The following AIRIM variants were observed in gnomAD, a reference collection of about 807,000 sequenced individuals.
AIRIM encodes the protein AFG2 interacting ribosome maturation factor.
the AIRIM span, chr1:37,686,189 C>T: frequency 7.6e-7 from 1 of 1,321,424 alleles, no homozygotes; most frequent in Non-Finnish European, 1.0e-6. Flanking sequence ...ACTCAAACTA[C>T]TTAGTTTTCC....
the AIRIM span, chr1:37,684,175 A>G: frequency 0.28 from 43,318 of 152,434 alleles, 6,700 homozygotes; most frequent in African/African-American, 0.39. Flanking sequence ...GGATGGGGAC[A>G]GAGAGGGAAA....
At chr1:37,683,401 C>G in the AIRIM span, 2 of 1,613,948 alleles carry the variant, frequency 1.2e-6, no homozygotes, top group Admixed American at 1.7e-5. Flanking sequence ...AGTCTCCCCA[C>G]TGGATAGACG....
the AIRIM span, chr1:37,690,583 G>T: frequency 1.2e-6 from 1 of 835,914 alleles, no homozygotes; most frequent in Non-Finnish European, 1.6e-6. Context: ...TGGCTACTGA[G>T]TCGCGAAAAT....
chr1:37,684,357 C>T, the AIRIM span, among the ~76,000 whole-genome samples: 50 of 152,138 alleles, frequency 3.3e-4, no homozygotes, highest in Non-Finnish European at 6.2e-4. Context: ...GAAAATAAGC[C>T]GGGCGCGGTG....
chr1:37,691,331 G>C, the AIRIM span: 3 of 152,230 alleles, frequency 2.0e-5, no homozygotes, highest in Non-Finnish European at 4.4e-5. Context: ...CCTCAACTCA[G>C]AGGGGGAGAG....
the AIRIM span, among the ~76,000 whole-genome samples, chr1:37,688,205 T>C: frequency 9.8e-3 from 1,499 of 152,216 alleles, 24 homozygotes; most frequent in African/African-American, 0.033. Flanking sequence ...TACAGGTGTG[T>C]GCCACGACAG....
the AIRIM span, chr1:37,689,723 T>C: frequency 2.8e-5 from 45 of 1,613,982 alleles, no homozygotes; most frequent in Non-Finnish European, 3.8e-5. Context: ...CCGCAGGTTC[T>C]GTGCGGCCTG....
chr1:37,682,894 A>G, the AIRIM span: 2 of 538,464 alleles, frequency 3.7e-6, no homozygotes, highest in African/African-American at 3.8e-5. Context: ...CCTGAGCCTC[A>G]GAAAAGGGCA....
the AIRIM span, chr1:37,686,371 T>C: frequency 6.2e-7 from 1 of 1,614,150 alleles, no homozygotes; most frequent in South Asian, 1.1e-5. Context: ...CAATGCCAAC[T>C]GTGTCTGCGT....
At chr1:37,685,524 A>G in the AIRIM span, among the ~76,000 whole-genome samples, 1 of 151,874 alleles carries the variant, frequency 6.6e-6, no homozygotes, top group Admixed American at 6.6e-5. Context: ...GGGATTACAG[A>G]CTTCAGGCAC....
chr1:37,684,955 C>A, the AIRIM span, among the ~76,000 whole-genome samples: 2 of 151,708 alleles, frequency 1.3e-5, no homozygotes, highest in Admixed American at 6.6e-5. Flanking sequence ...GCCAGGAGTT[C>A]AAGACCAGCC....
At chr1:37,686,125 G>A in the AIRIM span, 1 of 709,258 alleles carries the variant, frequency 1.4e-6, no homozygotes, top group Non-Finnish European at 2.2e-6. Flanking sequence ...ATTAGAGGAA[G>A]GATTATACAA....
chr1:37,691,795 C>T, the AIRIM span, among the ~76,000 whole-genome samples: 7 of 152,360 alleles, frequency 4.6e-5, no homozygotes, highest in African/African-American at 1.4e-4. Flanking sequence ...CACCTGAAGT[C>T]GCAGCCCCGC....
chr1:37,687,955 T>C, the AIRIM span, among the ~76,000 whole-genome samples: 1 of 152,062 alleles, frequency 6.6e-6, no homozygotes, highest in Admixed American at 6.6e-5. Flanking sequence ...ACTTCTAGGC[T>C]CAAGCGATCC....
At chr1:37,688,283 C>G in the AIRIM span, among the ~76,000 whole-genome samples, 1 of 151,708 alleles carries the variant, frequency 6.6e-6, no homozygotes, top group South Asian at 2.1e-4. Flanking sequence ...GTCTCGAACT[C>G]CTGACCTCAA....
At chr1:37,687,110 G>GTGTGTGTGTA in the AIRIM span, among the ~76,000 whole-genome samples, 1 of 139,602 alleles carries the variant, frequency 7.2e-6, no homozygotes. Flanking sequence ...GTGTGTGTGT[G>GTGTGTGTGTA]TATAGTTTTT....
chr1:37,683,881 CATGGAGAG>C, the AIRIM span: 1 of 163,786 alleles, frequency 6.1e-6, no homozygotes, highest in Non-Finnish European at 1.3e-5. Context: ...ATGGACGCCA[CATGGAGAG>C]CAGTCAGAAA....
chr1:37,683,336 T>C, the AIRIM span: 2 of 1,614,160 alleles, frequency 1.2e-6, no homozygotes, highest in Non-Finnish European at 1.7e-6. Flanking sequence ...AAGATCTTGG[T>C]GTTCGTCTTT....
chr1:37,685,205 T>TGG, the AIRIM span, among the ~76,000 whole-genome samples: 1 of 32,386 alleles, frequency 3.1e-5, no homozygotes, highest in African/African-American at 1.2e-4. Flanking sequence ...GGGGGGGGGG[T>TGG]GGGCGGGGGG....
Sources: gnomAD v4.1 joint callset for allele counts (sites outside exome capture counted in the v4.1 genomes callset) on GRCh38, gnomAD v4.1.1 for gene constraint, MANE v1.5 for transcripts, NCBI Gene and HGNC (gene_info 2026-07-23, HGNC 2026-07-21) for gene names.